Variants in IPO8 observed in about 807,000 individuals in gnomAD.
IPO8 encodes importin-8.
Under a neutral mutation model 141.2 loss-of-function variants are expected in IPO8, and 65 were observed. The observed-to-expected ratio is 0.46, with a 90% CI of 0.38 to 0.57. The LOEUF is 0.57. Among genes scored for constraint, IPO8 ranks in the 20% least tolerant of loss-of-function variants. The pLI is 0.00. For missense variants in IPO8, 980 were observed against 1,246.8 expected (o/e 0.79, Z 3.22); for synonymous variants, 411 against 420.3 (o/e 0.98, Z 0.27).
intron 16 of IPO8, among the ~76,000 whole-genome samples, chr12:30,659,185 A>C (rs1349050379): frequency 6.6e-6 from 1 of 152,052 alleles, no homozygotes; most frequent in African/African-American, 2.4e-5. Context: ...GGGCCTTATC[A>C]AGCCATTTTT....
intron 10 of IPO8, 77 bp downstream of exon 10, chr12:30,669,106 T>C: frequency 1.6e-6 from 1 of 613,746 alleles, no homozygotes; most frequent in East Asian, 2.9e-5. Context: ...AGTAATAACA[T>C]TTGCTTAAAA....
intron 10 of IPO8, among the ~76,000 whole-genome samples, chr12:30,668,731 C>T (rs1368076503): frequency 2.0e-5 from 3 of 152,204 alleles, no homozygotes. Context: ...AATTGGACCA[C>T]ACACAGTAGG....
At chr12:30,663,747 A>G (rs574591979) in intron 13 of IPO8, 93 bp from the exon 14 acceptor site, 3 of 960,786 alleles carry the variant, frequency 3.1e-6, no homozygotes, top group East Asian at 2.9e-5. Flanking sequence ...TAAAATATCA[A>G]TTCTATGAAG....
intron 1 of IPO8, among the ~76,000 whole-genome samples, chr12:30,691,415 G>C (rs1243156568): frequency 6.6e-6 from 1 of 152,118 alleles, no homozygotes; most frequent in Non-Finnish European, 1.5e-5. Context: ...CTGTGGCCTG[G>C]GTCACTTCAC....
Position 30,663,542 on chromosome 12 carries a change from ACAG to A in IPO8, c.1538_1540del (p.Pro513_Val514delinsLeu). 1 of 1,613,892 alleles carries A rather than the reference ACAG, an allele frequency of 6.2e-7. No individual in the cohort carries two copies. Among genetic ancestry groups the A allele is most frequent in the Non-Finnish European group, 8.5e-7 (1 of 1,179,912 alleles). On this transcript the variant is annotated inframe_deletion, in exon 14 of 25. Transcript: ENST00000256079. ...AAGAGCAAGGGCAGCTTCAACTTTGACAGGCATCTCTTTATCTTCAATCAGGCT... is the reference window on the plus strand; with the variant it reads ...AAGAGCAAGGGCAGCTTCAACTTTGAGCATCTCTTTATCTTCAATCAGGCT...
At position 30,636,747 on chromosome 12, in the gene IPO8, T is replaced by A. The variant is rs78777107; in HGVS notation, c.2695+235A>T. 2.8e-3 allele frequency among the ~76,000 whole-genome samples: 422 copies of A among 152,268 alleles called. 3 individuals carry two copies. The highest frequency in any genetic ancestry group is 9.7e-3 in the African/African-American group (405 of 41,542). ...TTTCCTAATGTGTAACAGCATCTAT[T>A]AGGCTCCATAAAAAAAACCGCTGAG... On this transcript the variant is annotated intron_variant, in intron 22 of 24. Coordinates refer to ENST00000256079, the MANE Select transcript of IPO8 (RefSeq NM_006390.4).
chr12:30,676,153 T>G (rs1409192805), intron 6 of IPO8, among the ~76,000 whole-genome samples: 1 of 152,132 alleles, frequency 6.6e-6, no homozygotes, highest in East Asian at 1.9e-4. Flanking sequence ...CTTGAACTCC[T>G]GGCCTCAAGT....
At chr12:30,678,471 G>A (rs892767675) in intron 5 of IPO8, among the ~76,000 whole-genome samples, 2 of 152,090 alleles carry the variant, frequency 1.3e-5, no homozygotes, top group Non-Finnish European at 2.9e-5. Context: ...TTGCAGCCAG[G>A]GAGCAACACA....
At chr12:30,650,654 G>T (rs530891212) in intron 19 of IPO8, among the ~76,000 whole-genome samples, 3 of 151,952 alleles carry the variant, frequency 2.0e-5, no homozygotes, top group Admixed American at 2.0e-4. Flanking sequence ...TCATGGGGTC[G>T]TATGATACAA....
At chr12:30,635,689 T>C (rs1019416620) in intron 22 of IPO8, among the ~76,000 whole-genome samples, 2 of 152,038 alleles carry the variant, frequency 1.3e-5, no homozygotes, top group Non-Finnish European at 2.9e-5. Flanking sequence ...TAAAACTAGT[T>C]CTATTAGACA....
intron 14 of IPO8, 165 bp from the exon 15 acceptor site, chr12:30,662,652 C>A (rs776317583): frequency 5.9e-5 from 38 of 649,010 alleles, no homozygotes; most frequent in Non-Finnish European, 9.9e-5. Flanking sequence ...ATAATGTTCA[C>A]CAATATATCA....
chr12:30,638,108 T>C (rs1412264663), intron 21 of IPO8, among the ~76,000 whole-genome samples: 2 of 152,264 alleles, frequency 1.3e-5, no homozygotes, highest in African/African-American at 4.8e-5. Flanking sequence ...AAGAGGATTA[T>C]CAAGCAGAGC....
chr12:30,657,170 T>TA lies in IPO8; in HGVS notation c.1882-421dup, dbSNP rs951016976. ...GAATTTTGCATGGGGCATGGGGAAG[T>TA]AAAAAAAAATGAGTGAAATATTTTC... On this transcript the variant is annotated intron_variant, in intron 16 of 24. Coordinates refer to ENST00000256079, the MANE Select transcript of IPO8 (RefSeq NM_006390.4). Among the ~76,000 whole-genome samples, 89 of 150,848 alleles carry TA rather than the reference T, an allele frequency of 5.9e-4. 1 individual carries two copies. Among genetic ancestry groups the TA allele is most frequent in the Admixed American group, 4.2e-3 (63 of 15,128 alleles).
At chr12:30,674,161 A>G in intron 7 of IPO8, 87 bp from the exon 8 acceptor site, 1 of 786,118 alleles carries the variant, frequency 1.3e-6, no homozygotes, top group Non-Finnish European at 2.1e-6. Context: ...CGCTTATTCA[A>G]AGATGGATTC....
intron 14 of IPO8, among the ~76,000 whole-genome samples, chr12:30,663,047 T>C (rs2052911325): frequency 6.6e-6 from 1 of 152,132 alleles, no homozygotes; most frequent in Non-Finnish European, 1.5e-5. Flanking sequence ...AAATGAGACG[T>C]CTGTTATCAC....
At position 30,663,602 on chromosome 12, in the gene IPO8, T is replaced by C. The variant is rs144765355; in HGVS notation, c.1481A>G (p.Asn494Ser). ...FSSLKFHNEL[N>S]LRNAVELAKK... Reference sequence around the variant, plus strand: ...CGCTAATTCAACGGCATTTCTTAGATTGAGCTCATTATGGAACTTCAAAGA... The same window carrying C: ...CGCTAATTCAACGGCATTTCTTAGACTGAGCTCATTATGGAACTTCAAAGA... Residue 494 changes from asparagine (N) to serine (S), a missense_variant, in exon 14 of 25, where the codon AAT becomes AGT. Physicochemically the swap from Asn to Ser is conservative, Grantham distance 46. Transcript: ENST00000256079. 5.0e-6 allele frequency: 8 copies of C among 1,613,168 alleles called. No individual in the cohort carries two copies. The African/African-American group carries it at 1.1e-4, about 22-fold the overall frequency.
At chr12:30,679,619 A>G (rs1353005448) in intron 5 of IPO8, among the ~76,000 whole-genome samples, 1 of 152,048 alleles carries the variant, frequency 6.6e-6, no homozygotes, top group African/African-American at 2.4e-5. Context: ...GACTATCCCT[A>G]TTAAAAGTTT....
chr12:30,695,669 G>A lies in IPO8; in HGVS notation c.-22C>T, dbSNP rs2053332487. On this transcript the variant is annotated 5_prime_UTR_variant, in exon 1 of 25. Coordinates refer to ENST00000256079, the MANE Select transcript of IPO8 (RefSeq NM_006390.4). This position sits in a 1 kb window ranked among gnomAD's most constrained non-coding sequence, Gnocchi z 4.2. ...CCATCTCCCCGGGTGGGGGCTCCGC[G>A]GCCCCCGGAACAGTAGGCCGGACTG... is the stretch of plus-strand genomic sequence containing the variant. 1 of 1,607,516 alleles carries A rather than the reference G, an allele frequency of 6.2e-7. No homozygotes were observed. Among genetic ancestry groups the A allele is most frequent in the African/African-American group, 1.3e-5 (1 of 74,772 alleles).
In IPO8 at chr12:30,673,376, T is replaced by C. The variant is rs146151454; in HGVS notation, c.909+614A>G. ...AGTGGTCAATAATTAATAAATTTTA[T>C]TGAAACATAAAAATATGATTTAAAT... is the stretch of plus-strand genomic sequence containing the variant. On this transcript the variant is annotated intron_variant, in intron 8 of 24. Transcript: ENST00000256079. Among the ~76,000 whole-genome samples the C allele has an allele frequency of 7.7e-4, 118 of 152,360 alleles. 3 individuals carry two copies. In the East Asian group the frequency reaches 0.02, roughly 26 times the overall value.
Sources: gnomAD v4.1 joint callset for allele counts (sites outside exome capture counted in the v4.1 genomes callset) on GRCh38, gnomAD v4.1.1 for gene constraint, Gnocchi (gnomAD v3.1) non-coding constraint, MANE v1.5 for transcripts, NCBI Gene and HGNC (gene_info 2026-07-23, HGNC 2026-07-21) for gene names.